Variants in PCDH15 observed in about 807,000 individuals in gnomAD.
The protein encoded by PCDH15 is protocadherin related 15, also known as protocadherin-15.
In PCDH15, 129 loss-of-function variants were observed where a neutral mutation model predicts 178.5. The ratio of observed to expected loss-of-function variants is 0.72; its 90% CI spans 0.63 to 0.84. The LOEUF is 0.84. PCDH15 is among the 40% of genes least tolerant of loss of function. PCDH15 has a pLI of 0.00. For synonymous variants in PCDH15, 800 were observed against 732.0 expected, an observed-to-expected ratio of 1.09 and a Z score of -1.50; for missense variants, 2,230 against 2,099.9, an observed-to-expected ratio of 1.06 and a Z score of -1.21.
At chr10:54,416,761 A>G (rs1056275721) in intron 3 of PCDH15, among the ~76,000 whole-genome samples, 1 of 152,050 alleles carries the variant, frequency 6.6e-6, no homozygotes, top group Non-Finnish European at 1.5e-5. Context: ...AAGTGTGCCT[A>G]TTTCTCTACA....
intron 2 of PCDH15, among the ~76,000 whole-genome samples, chr10:54,640,470 T>A (rs2093963205): frequency 6.6e-6 from 1 of 152,114 alleles, no homozygotes; most frequent in African/African-American, 2.4e-5. Flanking sequence ...CTAAATGTTT[T>A]ACTGAACAAT....
chr10:55,587,337 A>G (rs1842743974), intron 2 of PCDH15, among the ~76,000 whole-genome samples: 1 of 152,118 alleles, frequency 6.6e-6, no homozygotes, highest in African/African-American at 2.4e-5. Flanking sequence ...TAATGTTGAC[A>G]ATATTCATAT....
rs562925589 is a variant in PCDH15 at position 55,542,585 on chromosome 10, G to A, written c.-156+85040C>T. 1.1e-3 allele frequency among the ~76,000 whole-genome samples: 162 copies of A among 148,924 alleles called. 1 individual carries two copies. The highest frequency in any genetic ancestry group is 1.9e-3 in the Non-Finnish European group (127 of 66,676). On this transcript the variant is annotated intron_variant, in intron 2 of 5. Coordinates refer to the PCDH15 transcript ENST00000613346. ...TATACACATATATACATATGTATGT[G>A]TCTATATAGGTACATACAGACATAT...
At chr10:53,995,180 T>C (rs6481053) in intron 21 of PCDH15, 37,726 of 164,878 alleles carry the variant, frequency 0.23, 4,746 homozygotes, top group East Asian at 0.5. Flanking sequence ...TAAAGTTCTA[T>C]ATGATAAAAG....
chr10:53,969,968 C>T lies in PCDH15; in HGVS notation c.2869-8076G>A, dbSNP rs1026884831. Among the ~76,000 whole-genome samples the T allele has an allele frequency of 2.2e-4, 33 of 152,226 alleles. No individual in the cohort carries two copies. In the South Asian group the frequency reaches 4.4e-3, roughly 20 times the overall value. ...TGCATCAACTAACGAGCAAAATAAC[C>T]AGCTAAGATCATAATGACAGGATCA... is the stretch of plus-strand genomic sequence containing the variant. On this transcript the variant is annotated intron_variant, in intron 21 of 37. Transcript: ENST00000644397.
In PCDH15 at chr10:54,405,342, T is replaced by C. The variant is rs113276806; in HGVS notation, c.158-26400A>G. The stretch of plus-strand genomic sequence containing the variant: ...TACATTCCATGTGTACCACATGGAA[T>C]ACTATGCAGCCATATAAAGGATGAG... On this transcript the variant is annotated intron_variant, in intron 3 of 37. Coordinates refer to ENST00000644397, the MANE Select transcript of PCDH15 (RefSeq NM_001384140.1). Among the ~76,000 whole-genome samples the C allele has an allele frequency of 7.7e-3, 1,165 of 152,162 alleles. 15 individuals are homozygous for C. Among genetic ancestry groups the C allele is most frequent in the African/African-American group, 0.026 (1,099 of 41,534 alleles).
chr10:54,344,143 G>C (rs567197599), intron 6 of PCDH15, among the ~76,000 whole-genome samples: 4 of 152,156 alleles, frequency 2.6e-5, no homozygotes, highest in Admixed American at 2.0e-4. Context: ...CCCTAAGATT[G>C]TACCTTGGTT....
intron 1 of PCDH15, among the ~76,000 whole-genome samples, chr10:55,176,545 A>G (rs1041969174): frequency 6.6e-6 from 1 of 152,188 alleles, no homozygotes; most frequent in Non-Finnish European, 1.5e-5. Context: ...GGAAAAAGCT[A>G]GAATCAATCA....
chr10:55,148,088 A>G (rs867360599), intron 2 of PCDH15, among the ~76,000 whole-genome samples: 1 of 143,470 alleles, frequency 7.0e-6, no homozygotes, highest in African/African-American at 2.6e-5. Flanking sequence ...TTTTAACAGA[A>G]AAAAATTCTG....
At chr10:55,339,389 T>C (rs1188897930) in intron 2 of PCDH15, among the ~76,000 whole-genome samples, 2 of 152,062 alleles carry the variant, frequency 1.3e-5, no homozygotes, top group Non-Finnish European at 2.9e-5. Flanking sequence ...GGATATAGGA[T>C]AGTGAATTCT....
At chr10:55,122,296 T>C (rs1379867828) in intron 2 of PCDH15, among the ~76,000 whole-genome samples, 2 of 152,140 alleles carry the variant, frequency 1.3e-5, no homozygotes, top group African/African-American at 2.4e-5. Flanking sequence ...AGAAGTATGT[T>C]GTGAAAGATA....
chr10:54,779,846 G>A (rs2133388238), intron 1 of PCDH15, among the ~76,000 whole-genome samples: 1 of 151,988 alleles, frequency 6.6e-6, no homozygotes, highest in South Asian at 2.1e-4. Flanking sequence ...TTATAAACTA[G>A]TCTCATTCTC....
At chr10:54,176,337 T>G (rs2047440749) in intron 13 of PCDH15, among the ~76,000 whole-genome samples, 1 of 152,186 alleles carries the variant, frequency 6.6e-6, no homozygotes, top group South Asian at 2.1e-4. Flanking sequence ...ATACAGTTGA[T>G]AGCTGGTACG....
At chr10:54,135,076 G>A (rs953141431) in intron 14 of PCDH15, among the ~76,000 whole-genome samples, 1 of 151,648 alleles carries the variant, frequency 6.6e-6, no homozygotes, top group African/African-American at 2.4e-5. Context: ...ATGGTGGCCT[G>A]TAATCCCAGC....
chr10:55,524,546 AC>A (rs919997894), intron 2 of PCDH15, among the ~76,000 whole-genome samples: 7 of 151,578 alleles, frequency 4.6e-5, no homozygotes, highest in Non-Finnish European at 1.0e-4. Flanking sequence ...ATTTCATTTT[AC>A]CTTTAAGAAA....
chr10:55,308,473 T>C (rs934017647), intron 1 of PCDH15, among the ~76,000 whole-genome samples: 2 of 152,206 alleles, frequency 1.3e-5, no homozygotes, highest in Admixed American at 1.3e-4. Context: ...TGGTGTCTGT[T>C]GTTAATCTCA....
intron 2 of PCDH15, among the ~76,000 whole-genome samples, chr10:55,473,671 A>T (rs1400205714): frequency 6.6e-6 from 1 of 152,186 alleles, no homozygotes; most frequent in East Asian, 1.9e-4. Context: ...ATGGATCTAA[A>T]AATAGGTCTC....
chr10:54,924,049 T>A (rs901288530), intron 2 of PCDH15, among the ~76,000 whole-genome samples: 1 of 138,336 alleles, frequency 7.2e-6, no homozygotes, highest in East Asian at 2.0e-4. Context: ...TTAACTCACA[T>A]ATCTACAAGC....
intron 18 of PCDH15, among the ~76,000 whole-genome samples, chr10:54,035,277 G>A (rs1191961101): frequency 6.6e-6 from 1 of 151,876 alleles, no homozygotes; most frequent in African/African-American, 2.4e-5. Flanking sequence ...CACGGACGTT[G>A]CATTTTTTAC....
Sources: gnomAD v4.1 joint callset for allele counts (sites outside exome capture counted in the v4.1 genomes callset) on GRCh38, gnomAD v4.1.1 for gene constraint, MANE v1.5 for transcripts, NCBI Gene and HGNC (gene_info 2026-07-23, HGNC 2026-07-21) for gene names.